ASAP2: variants seen among roughly 807,000 people sequenced by gnomAD.
The protein encoded by ASAP2 is ArfGAP with SH3 domain, ankyrin repeat and PH domain 2.
Under a neutral mutation model 131.4 loss-of-function variants are expected in ASAP2, and 45 were observed. The observed-to-expected ratio is 0.34, with a 90% confidence interval of 0.27 to 0.44. The LOEUF is 0.44. Ranked by LOEUF, ASAP2 falls within the 20% of genes least tolerant of loss-of-function variation. The pLI is 1.00. For missense variants in ASAP2, 1,011 were observed against 1,297.0 expected (o/e 0.78, Z 3.39); for synonymous variants, 510 against 503.0 (o/e 1.01, Z -0.19).
Position 9,404,560 on chromosome 2 carries a change from A to C in ASAP2, c.*1233A>C, listed in dbSNP as rs1171274226. The C allele has an allele frequency of 6.6e-6, 1 of 152,438 alleles. No individual in the cohort carries two copies. Among genetic ancestry groups the C allele is most frequent in the African/African-American group, 2.4e-5 (1 of 41,442 alleles). 9.4% of individuals were successfully genotyped at this position (152,438 alleles called of 1,614,324 possible). A position where few individuals can be genotyped will look rare whatever the true frequency, so the allele number is the denominator to read the frequency against. ...TAAGATTCATAGTAGGAATATTGGA[A>C]ATTTTGGCACTCTGAGAATAAATAG... On this transcript the variant is annotated 3_prime_UTR_variant, in exon 28 of 28. Transcript: ENST00000281419.
intron 9 of ASAP2, among the ~76,000 whole-genome samples, chr2:9,336,914 T>C (rs1197702790): frequency 1.3e-5 from 2 of 152,168 alleles, no homozygotes; most frequent in East Asian, 3.9e-4. Context: ...AAGCTCAGGT[T>C]TAAAATAAGG....
chr2:9,371,651 G>A (rs1464564505), intron 16 of ASAP2, among the ~76,000 whole-genome samples: 1 of 152,124 alleles, frequency 6.6e-6, no homozygotes, highest in Non-Finnish European at 1.5e-5. Flanking sequence ...ACTGGGGGAG[G>A]TGGAGCAGGG....
At chr2:9,318,040 T>A (rs1277617867) in intron 3 of ASAP2, among the ~76,000 whole-genome samples, 5 of 152,182 alleles carry the variant, frequency 3.3e-5, no homozygotes, top group African/African-American at 1.2e-4. Flanking sequence ...TTCGCTCGTG[T>A]GCCTTTGCAG....
At chr2:9,259,005 T>C (rs1032255878) in intron 1 of ASAP2, among the ~76,000 whole-genome samples, 1 of 152,170 alleles carries the variant, frequency 6.6e-6, no homozygotes, top group Admixed American at 6.5e-5. Flanking sequence ...GGGCCTGCTC[T>C]TCGGCCTTTC....
chr2:9,236,582 T>C (rs865880628), intron 1 of ASAP2, among the ~76,000 whole-genome samples: 4 of 152,202 alleles, frequency 2.6e-5, no homozygotes, highest in African/African-American at 9.7e-5. Context: ...TCTTAATGTC[T>C]AAAGAGGATT....
intron 1 of ASAP2, among the ~76,000 whole-genome samples, chr2:9,263,101 C>T (rs1665691466): frequency 6.6e-6 from 1 of 152,008 alleles, no homozygotes; most frequent in South Asian, 2.1e-4. Flanking sequence ...GGCTGGAGGG[C>T]CTGGCCCAGG....
intron 2 of ASAP2, among the ~76,000 whole-genome samples, chr2:9,291,563 A>G (rs903418532): frequency 6.6e-6 from 1 of 152,214 alleles, no homozygotes; most frequent in Non-Finnish European, 1.5e-5. Flanking sequence ...ACATTTGAGT[A>G]GTAATCGTCA....
chr2:9,402,526 A>G (rs963201396), intron 27 of ASAP2, among the ~76,000 whole-genome samples: 3 of 152,182 alleles, frequency 2.0e-5, no homozygotes, highest in Admixed American at 6.5e-5. Context: ...GGAACCAGCC[A>G]GCTCCCACAG....
chr2:9,364,916 G>T (rs1673346331), intron 15 of ASAP2, among the ~76,000 whole-genome samples: 1 of 152,016 alleles, frequency 6.6e-6, no homozygotes, highest in South Asian at 2.1e-4. Flanking sequence ...GACCAGAGAG[G>T]TTAAGAAACT....
intron 1 of ASAP2, among the ~76,000 whole-genome samples, chr2:9,242,746 CTT>C (rs1315771162): frequency 6.6e-6 from 1 of 152,186 alleles, no homozygotes; most frequent in Non-Finnish European, 1.5e-5. Context: ...TCCAACTTTT[CTT>C]TCTTTTCTCA....
chr2:9,320,872 A>C (rs907179033), intron 5 of ASAP2, among the ~76,000 whole-genome samples: 1 of 152,202 alleles, frequency 6.6e-6, no homozygotes, highest in Non-Finnish European at 1.5e-5. Context: ...TACGGTTTCT[A>C]CAAGAAGTAG....
At chr2:9,315,438 A>C (rs1327627948) in intron 3 of ASAP2, among the ~76,000 whole-genome samples, 1 of 152,188 alleles carries the variant, frequency 6.6e-6, no homozygotes, top group Non-Finnish European at 1.5e-5. Context: ...TTTGTTGAGA[A>C]GCGTGCCGCA....
At chr2:9,364,343 A>G (rs753703563) in intron 15 of ASAP2, among the ~76,000 whole-genome samples, 2 of 151,730 alleles carry the variant, frequency 1.3e-5, no homozygotes, top group African/African-American at 2.4e-5. Flanking sequence ...CCCCATCTCT[A>G]CAAAAAAAAA....
chr2:9,250,236 C>A (rs976567490), intron 1 of ASAP2, among the ~76,000 whole-genome samples: 1 of 152,182 alleles, frequency 6.6e-6, no homozygotes, highest in African/African-American at 2.4e-5. Flanking sequence ...GGATAAAACT[C>A]CACAAACTGT....
intron 1 of ASAP2, among the ~76,000 whole-genome samples, chr2:9,254,919 T>C (rs944986752): frequency 6.6e-6 from 1 of 152,196 alleles, no homozygotes; most frequent in Non-Finnish European, 1.5e-5. Flanking sequence ...TAGACACGTT[T>C]TATATTTTGA....
At position 9,217,679 on chromosome 2, in the gene ASAP2, A is replaced by G. The variant is rs1662147068; in HGVS notation, c.126+10449A>G. Among the ~76,000 whole-genome samples, 1 of 151,480 alleles carries G rather than the reference A, an allele frequency of 6.6e-6. No individual in the cohort carries two copies. The highest frequency in any genetic ancestry group is 2.1e-4 in the South Asian group (1 of 4,804). On this transcript the variant is annotated intron_variant, in intron 1 of 27. Coordinates refer to ENST00000281419, the MANE Select transcript of ASAP2 (RefSeq NM_003887.3). The surrounding 1 kb of genome is among the most constrained non-coding windows in gnomAD (Gnocchi z 4.0). ...ACCCAGGCTGGAGTGCGGTGGCACAATCTCGGCTCACTGCAAGCTCCGCCT... is the reference window on the plus strand; with the variant it reads ...ACCCAGGCTGGAGTGCGGTGGCACAGTCTCGGCTCACTGCAAGCTCCGCCT...
intron 1 of ASAP2, among the ~76,000 whole-genome samples, chr2:9,246,723 C>T (rs1664360894): frequency 6.6e-6 from 1 of 152,168 alleles, no homozygotes; most frequent in Admixed American, 6.5e-5. Context: ...TGCTCTTGAT[C>T]TTTCTTGTCA....
chr2:9,326,568 G>A (rs545668887), intron 6 of ASAP2, among the ~76,000 whole-genome samples: 13 of 152,012 alleles, frequency 8.6e-5, no homozygotes, highest in South Asian at 2.1e-4. Context: ...ATTAAAAATC[G>A]CCCCCAAATT....
intron 6 of ASAP2, among the ~76,000 whole-genome samples, chr2:9,325,496 C>G (rs1440784286): frequency 1.3e-5 from 2 of 152,146 alleles, no homozygotes; most frequent in African/African-American, 2.4e-5. Context: ...TCAGGTCATG[C>G]TCTTTTTGGT....
Sources: gnomAD v4.1 joint callset for allele counts (sites outside exome capture counted in the v4.1 genomes callset) on GRCh38, gnomAD v4.1.1 for gene constraint, Gnocchi (gnomAD v3.1) non-coding constraint, MANE v1.5 for transcripts, NCBI Gene and HGNC (gene_info 2026-07-23, HGNC 2026-07-21) for gene names.